Variants in MYO1F observed in about 807,000 individuals in gnomAD.
MYO1F encodes the protein myosin IF.
Under a neutral mutation model 146.6 loss-of-function variants are expected in MYO1F, and 60 were observed. That is an observed-to-expected ratio of 0.41 (90% CI 0.33 to 0.51). MYO1F has a LOEUF of 0.51. MYO1F is among the 20% of genes least tolerant of loss of function. MYO1F has a pLI of 0.25. For missense variants in MYO1F, 1,274 were observed against 1,534.3 expected, an observed-to-expected ratio of 0.83 and a Z score of 2.83; for synonymous variants, 602 against 602.1, an observed-to-expected ratio of 1.00 and a Z score of 0.00.
At chr19:8,563,203 G>C (rs975716621) in intron 1 of MYO1F, among the ~76,000 whole-genome samples, 1 of 151,856 alleles carries the variant, frequency 6.6e-6, no homozygotes, top group African/African-American at 2.4e-5. Flanking sequence ...ATGTTGGTCA[G>C]GCTGGTCTTG....
chr19:8,544,024 C>CGGTGGCGGTGGCGGTGCTGGTGGTGGT, intron 14 of MYO1F: 2 of 285,032 alleles, frequency 7.0e-6, no homozygotes, highest in South Asian at 7.1e-5. Context: ...GTGGCGGTGG[C>CGGTGGCGGTGGCGGTGCTGGTGGTGGT]GGTGGCGGTG....
chr19:8,537,781 G>A lies in MYO1F; in HGVS notation c.1693-726C>T, dbSNP rs138178012. Among the ~76,000 whole-genome samples the A allele has an allele frequency of 6.6e-5, 10 of 152,086 alleles. No homozygotes were observed. In the East Asian group the frequency reaches 1.9e-3, roughly 29 times the overall value. On this transcript the variant is annotated intron_variant, in intron 16 of 27. Transcript: ENST00000644032. Reference sequence around the variant, plus strand: ...GTCTCCCTCTGTCACTCAGGCTGGGGTATAGTGGCGCCGTGATAGTTCACT... The same window carrying A: ...GTCTCCCTCTGTCACTCAGGCTGGGATATAGTGGCGCCGTGATAGTTCACT...
rs1191447239 is a variant in MYO1F at position 8,543,675 on chromosome 19, CTGGTGG to C, written c.1524+616_1524+621del. The stretch of plus-strand genomic sequence containing the variant: ...GGTGCTGGTGGTGGTGGTGGTGGTG[CTGGTGG>C]TGGTGGTGGTGGTGGTGGTGGTGGT... On this transcript the variant is annotated intron_variant, in intron 14 of 27. Transcript: ENST00000644032. 8.4e-3 allele frequency among the ~76,000 whole-genome samples: 305 copies of C among 36,154 alleles called. 9 individuals carry two copies. Among genetic ancestry groups the C allele is most frequent in the East Asian group, 0.026 (30 of 1,172 alleles). 23.7% of individuals were successfully genotyped at this position (36,154 alleles called of 152,430 possible). A position where few individuals can be genotyped will look rare whatever the true frequency, so the allele number is the denominator to read the frequency against.
In MYO1F at chr19:8,548,282, C is replaced by T. The variant is rs1478737891; in HGVS notation, c.1137G>A (p.Glu379=). 3 of 1,613,920 alleles carry T rather than the reference C, an allele frequency of 1.9e-6. No homozygotes were observed. Among genetic ancestry groups the T allele is most frequent in the Middle Eastern group, 3.3e-4 (2 of 6,058 alleles). ...INRAMQKPQE[E]YSIGVLDIYG... is the part of the protein sequence containing the mutation. ...AAATGTCCAGCACACCGATGCTGTACTCTTCCTGGGGTTTCTGCATAGCAC... is the reference window on the plus strand; with the variant it reads ...AAATGTCCAGCACACCGATGCTGTATTCTTCCTGGGGTTTCTGCATAGCAC... Residue 379 remains glutamate, a synonymous_variant, in exon 11 of 28, where the codon GAG becomes GAA. Transcript: ENST00000644032.
In MYO1F at chr19:8,531,184, C is replaced by T. The variant is rs979215627; in HGVS notation, c.2044-611G>A. Among the ~76,000 whole-genome samples the T allele has an allele frequency of 2.7e-5, 4 of 150,770 alleles. No individual in the cohort carries two copies. The Admixed American group carries it at 2.7e-4, about 10-fold the overall frequency. On this transcript the variant is annotated intron_variant, in intron 19 of 27. Coordinates refer to ENST00000644032, the MANE Select transcript of MYO1F (RefSeq NM_012335.4). ...TCAACATGGAGAAACCCTGTCTTTA[C>T]TAAAAACATAAAATTAGCCGGGCAT...
At chr19:8,562,058 GGA>G (rs1974160132) in intron 1 of MYO1F, among the ~76,000 whole-genome samples, 1 of 149,616 alleles carries the variant, frequency 6.7e-6, no homozygotes, top group African/African-American at 2.5e-5. Flanking sequence ...TTTTTGAGAT[GGA>G]GTCTTGCTCT....
At chr19:8,526,046 T>G (rs1457464402) in intron 24 of MYO1F, among the ~76,000 whole-genome samples, 1 of 152,134 alleles carries the variant, frequency 6.6e-6, no homozygotes, top group Non-Finnish European at 1.5e-5. Flanking sequence ...TCTGTCTCTC[T>G]GGCCGGGCGC....
At chr19:8,572,176 C>A (rs782014308) in intron 1 of MYO1F, among the ~76,000 whole-genome samples, 1 of 152,180 alleles carries the variant, frequency 6.6e-6, no homozygotes, top group Non-Finnish European at 1.5e-5. Context: ...TGGGGAAGAT[C>A]CTCTGGGATG....
Position 8,554,710 on chromosome 19 carries a change from G to A in MYO1F, c.175C>T (p.Pro59Ser), listed in dbSNP as rs1401799240. The change falls in exon 3 of 28, where the codon CCC becomes TCC. Residue 59 changes from proline to serine, a missense_variant. By Grantham distance (74) the Pro-to-Ser change is moderately conservative. This residue lies in a region of MYO1F where 900 missense variants were observed against 1,155.1 expected (regional missense o/e 0.78). Coordinates refer to ENST00000644032, the MANE Select transcript of MYO1F (RefSeq NM_012335.4). ...YIGSVLISVN[P>S]FKQMPYFTDR... ...GTGAAGTAGGGCATCTGCTTGAAGGGGTTTACAGAGATGAGCACAGAGCCG... is the reference window on the plus strand; with the variant it reads ...GTGAAGTAGGGCATCTGCTTGAAGGAGTTTACAGAGATGAGCACAGAGCCG... 6.2e-7 allele frequency: 1 copy of A among 1,613,780 alleles called. No individual in the cohort carries two copies. Among genetic ancestry groups the A allele is most frequent in the African/African-American group, 1.3e-5 (1 of 74,832 alleles).
At position 8,550,199 on chromosome 19, in the gene MYO1F, G is replaced by T. The variant is rs370095250; in HGVS notation, c.1062C>A (p.Ala354=). The part of the protein sequence containing the change: ...EQAAYTRDAL[A]KGLYARLFDF... ...CGAAGAGGCGGGCATAGAGCCCCTTGGCCAGGGCATCACGGGTGTAGGCTG... is the reference window on the plus strand; with the variant it reads ...CGAAGAGGCGGGCATAGAGCCCCTTTGCCAGGGCATCACGGGTGTAGGCTG... The change falls in exon 10 of 28, where the codon GCC becomes GCA. Residue 354 remains alanine, a synonymous_variant. Transcript: ENST00000644032. 15 of 1,614,034 alleles carry T rather than the reference G, an allele frequency of 9.3e-6. No homozygotes were observed. Among genetic ancestry groups the T allele is most frequent in the Non-Finnish European group, 7.6e-6 (9 of 1,180,060 alleles).
At chr19:8,544,224 G>T in intron 14 of MYO1F, 73 bp downstream of exon 14, 1 of 1,522,506 alleles carries the variant, frequency 6.6e-7, no homozygotes, top group Non-Finnish European at 9.1e-7. Flanking sequence ...GGGTGCTGGA[G>T]GGTGGGGGCT....
rs1972308079 is a variant in MYO1F at position 8,527,239 on chromosome 19, C to T, written c.2474+99G>A. The T allele has an allele frequency of 2.6e-6, 4 of 1,519,780 alleles. No homozygotes were observed. The South Asian group carries it at 3.5e-5, about 13-fold the overall frequency. 94.1% of individuals were successfully genotyped at this position (1,519,780 alleles called of 1,614,324 possible). On this transcript the variant is annotated intron_variant, in intron 22 of 27. Coordinates refer to ENST00000644032, the MANE Select transcript of MYO1F (RefSeq NM_012335.4). The stretch of plus-strand genomic sequence containing the variant: ...CCAACAGAGGGCTACAGGCATGGCA[C>T]CAGGTAAGATTGTCAGGGTAACAGA...
intron 10 of MYO1F, 116 bp from the exon 11 acceptor site, chr19:8,548,433 G>A: frequency 1.1e-6 from 1 of 916,360 alleles, no homozygotes; most frequent in Non-Finnish European, 1.8e-6. Context: ...CCTCATGCCA[G>A]TTTCCCTCCA....
intron 13 of MYO1F, among the ~76,000 whole-genome samples, chr19:8,544,740 A>G (rs1973268502): frequency 6.6e-6 from 1 of 152,110 alleles, no homozygotes; most frequent in African/African-American, 2.4e-5. Context: ...TTCAGGCCCC[A>G]GACTAGAATC....
rs2145838845 is a variant in MYO1F at position 8,530,957 on chromosome 19, T to C, written c.2044-384A>G. ...TACTCGGGAGCCTGAGGCAGGAGAA[T>C]CACTTGAACCCGGGAGGCGGAGGTT... On this transcript the variant is annotated intron_variant, in intron 19 of 27. Transcript: ENST00000644032. The surrounding 1 kb of genome is among the most constrained non-coding windows in gnomAD (Gnocchi z 5.8). 6.6e-6 allele frequency among the ~76,000 whole-genome samples: 1 copy of C among 152,156 alleles called. No individual in the cohort carries two copies. The highest frequency in any genetic ancestry group is 1.5e-5 in the Non-Finnish European group (1 of 68,004).
rs753716553 is a variant in MYO1F, at chr19:8,530,424, C to T, written c.2158+35G>A. The T allele has an allele frequency of 1.9e-6, 3 of 1,613,522 alleles. No homozygotes were observed. Among genetic ancestry groups the T allele is most frequent in the Admixed American group, 1.7e-5 (1 of 60,006 alleles). ...GATACAGCTCCTCCAGGTCCTTGTG[C>T]CCCCACCCCGCGCCGTTTACCCGAA... On this transcript the variant is annotated intron_variant, in intron 20 of 27. Transcript: ENST00000644032. This position sits in a 1 kb window ranked among gnomAD's most constrained non-coding sequence, Gnocchi z 5.8.
chr19:8,522,575 C>T (rs1294224075), intron 26 of MYO1F, 29 bp from the exon 27 acceptor site: 2 of 1,607,734 alleles, frequency 1.2e-6, no homozygotes, highest in East Asian at 2.2e-5. Flanking sequence ...TGAGTCACAG[C>T]CCCAGACACT....
chr19:8,535,564 C>T (rs768686699), intron 19 of MYO1F, among the ~76,000 whole-genome samples: 4 of 152,186 alleles, frequency 2.6e-5, no homozygotes, highest in Non-Finnish European at 4.4e-5. Context: ...GCTACCACAC[C>T]TGACTTGGTG....
At position 8,526,893 on chromosome 19, in the gene MYO1F, G is replaced by A; in HGVS notation, c.2517C>T (p.Ala839=). Residue 839 remains alanine (A), a synonymous_variant, in exon 23 of 28, where the codon GCC becomes GCT. Coordinates refer to ENST00000644032, the MANE Select transcript of MYO1F (RefSeq NM_012335.4). ...TGAAGACGCTCTCCAGGAAGCTGTCGGCGGCATCCTCTTGGAGGATGAAGA... is the reference window on the plus strand; with the variant it reads ...TGAAGACGCTCTCCAGGAAGCTGTCAGCGGCATCCTCTTGGAGGATGAAGA... The part of the protein sequence containing the change: ...DDFFILQEDA[A]DSFLESVFKT... 1 of 1,614,038 alleles carries A rather than the reference G, an allele frequency of 6.2e-7. No individual in the cohort carries two copies.
Sources: gnomAD v4.1 joint callset for allele counts (sites outside exome capture counted in the v4.1 genomes callset) on GRCh38, gnomAD v4.1.1 for gene constraint, gnomAD v4.1.1 regional missense constraint, Gnocchi (gnomAD v3.1) non-coding constraint, MANE v1.5 for transcripts, NCBI Gene and HGNC (gene_info 2026-07-23, HGNC 2026-07-21) for gene names.